SEC61A1: variants seen among roughly 807,000 people sequenced by gnomAD.
The protein encoded by SEC61A1 is protein transport protein Sec61 subunit alpha isoform 1.
Under a neutral mutation model 55.2 loss-of-function variants are expected in SEC61A1, and 15 were observed. The ratio of observed to expected loss-of-function variants is 0.27; its 90% CI spans 0.18 to 0.42. The LOEUF (loss-of-function observed/expected upper bound fraction) is 0.42, where lower values mean the gene tolerates loss of function less well. Among genes scored for constraint, SEC61A1 ranks in the 10% least tolerant of loss-of-function variants. The pLI is 1.00. For synonymous variants in SEC61A1, 247 were observed against 234.0 expected, an observed-to-expected ratio of 1.06 and a Z score of -0.51; for missense variants, 284 against 602.6, an observed-to-expected ratio of 0.47 and a Z score of 5.53.
chr3:128,065,862 C>T (rs891112302), intron 8 of SEC61A1, among the ~76,000 whole-genome samples: 32 of 151,132 alleles, frequency 2.1e-4, no homozygotes, highest in African/African-American at 7.1e-4. Context: ...CTGCCTCAGC[C>T]TCCCGAGTAG....
intron 8 of SEC61A1, among the ~76,000 whole-genome samples, chr3:128,066,034 A>G (rs1941968396): frequency 6.6e-6 from 1 of 151,940 alleles, no homozygotes; most frequent in African/African-American, 2.4e-5. Flanking sequence ...GAGCCACCGC[A>G]CCCGGCCTTA....
chr3:128,067,157 T>G lies in SEC61A1; in HGVS notation c.975+6T>G. 1 of 1,613,840 alleles carries G rather than the reference T, an allele frequency of 6.2e-7. No individual in the cohort carries two copies. The highest frequency in any genetic ancestry group is 8.5e-7 in the Non-Finnish European group (1 of 1,179,718). On this transcript the variant is annotated splice_donor_region_variant and intron_variant, in intron 9 of 11. Coordinates refer to ENST00000243253, the MANE Select transcript of SEC61A1 (RefSeq NM_013336.4). This position sits in a 1 kb window ranked among gnomAD's most constrained non-coding sequence, Gnocchi z 4.1. ...GCCTGCTGGGCACCTGGTCGGTAAGTAGGCTCTTTGAAGATGAGCTAGCAA... is the reference window on the plus strand; with the variant it reads ...GCCTGCTGGGCACCTGGTCGGTAAGGAGGCTCTTTGAAGATGAGCTAGCAA...
intron 5 of SEC61A1, among the ~76,000 whole-genome samples, chr3:128,058,201 A>ATTTTTTTTTTT (rs57508280): frequency 2.5e-5 from 2 of 79,358 alleles, no homozygotes; most frequent in African/African-American, 5.0e-5. Context: ...AAATACGTCT[A>ATTTTTTTTTTT]TTTTTTTTTT....
At chr3:128,065,081 T>A in intron 8 of SEC61A1, 44 bp downstream of exon 8, 1 of 1,601,494 alleles carries the variant, frequency 6.2e-7, no homozygotes. Flanking sequence ...GGTCTGGATT[T>A]AAGTTTCAGA....
intron 2 of SEC61A1, among the ~76,000 whole-genome samples, chr3:128,054,045 G>A (rs1941732561): frequency 6.6e-6 from 1 of 152,224 alleles, no homozygotes; most frequent in Admixed American, 6.5e-5. Context: ...AGTTGCTATT[G>A]ATAGAACATA....
chr3:128,060,423 A>C, intron 6 of SEC61A1, 85 bp from the exon 7 acceptor site: 1 of 1,423,326 alleles, frequency 7.0e-7, no homozygotes, highest in East Asian at 2.3e-5. Context: ...TTCAGCGTTT[A>C]TATCAGAGAA....
At chr3:128,054,833 T>G (rs1030655) in intron 2 of SEC61A1, among the ~76,000 whole-genome samples, 2 of 151,948 alleles carry the variant, frequency 1.3e-5, no homozygotes, top group Non-Finnish European at 2.9e-5. Flanking sequence ...GTGACAGAGG[T>G]TTTGGGTGGG....
chr3:128,068,982 AT>A (rs1439374135), intron 11 of SEC61A1: 1 of 152,426 alleles, frequency 6.6e-6, no homozygotes, highest in Admixed American at 6.5e-5. Context: ...CCTAGCAGGG[AT>A]GGTAGGCAAT....
chr3:128,067,166 T>C lies in SEC61A1; in HGVS notation c.975+15T>C. The stretch of plus-strand genomic sequence containing the variant: ...GCACCTGGTCGGTAAGTAGGCTCTT[T>C]GAAGATGAGCTAGCAATGCAGCTAA... On this transcript the variant is annotated intron_variant, in intron 9 of 11. Transcript: ENST00000243253. This position sits in a 1 kb window ranked among gnomAD's most constrained non-coding sequence, Gnocchi z 4.1. 3 of 1,612,012 alleles carry C rather than the reference T, an allele frequency of 1.9e-6. No homozygotes were observed. The highest frequency in any genetic ancestry group is 2.5e-6 in the Non-Finnish European group (3 of 1,178,018).
chr3:128,060,739 C>T, intron 7 of SEC61A1, 78 bp downstream of exon 7: 1 of 1,371,760 alleles, frequency 7.3e-7, no homozygotes. Flanking sequence ...AGACAAAAAT[C>T]CCCCCATTCC....
chr3:128,056,330 C>A (rs754671511), intron 4 of SEC61A1, among the ~76,000 whole-genome samples: 2 of 152,274 alleles, frequency 1.3e-5, no homozygotes, highest in South Asian at 2.1e-4. Context: ...CAACTAGATA[C>A]AATTGTACAG....
intron 8 of SEC61A1, 81 bp from the exon 9 acceptor site, chr3:128,066,873 C>A: frequency 7.2e-7 from 1 of 1,390,724 alleles, no homozygotes; most frequent in South Asian, 1.2e-5. Context: ...GCCCACTGGA[C>A]AGTCCCCGGC....
At chr3:128,060,956 A>G (rs547113605) in intron 7 of SEC61A1, among the ~76,000 whole-genome samples, 25 of 152,332 alleles carry the variant, frequency 1.6e-4, no homozygotes, top group African/African-American at 5.8e-4. Flanking sequence ...TGCAACGATA[A>G]AGCAACGTTA....
At chr3:128,055,414 G>A (rs1390667082) in intron 2 of SEC61A1, 102 bp from the exon 3 acceptor site, 19 of 910,964 alleles carry the variant, frequency 2.1e-5, no homozygotes, top group African/African-American at 1.6e-5. Context: ...AAAGAGTCTG[G>A]TTGGAGTCCA....
chr3:128,057,573 TGACTG>T (rs1454165113), intron 5 of SEC61A1, among the ~76,000 whole-genome samples: 2 of 138 alleles, frequency 0.014, no homozygotes, highest in Non-Finnish European at 0.062. Context: ...AGAATTTAAC[TGACTG>T]GGGGGCGGTG....
chr3:128,052,434 A>C, upstream of SEC61A1: 1 of 1,404,528 alleles, frequency 7.1e-7, no homozygotes, highest in Admixed American at 3.1e-5. Flanking sequence ...CCGGGCTAGC[A>C]CTGACGTGTC....
intron 7 of SEC61A1, among the ~76,000 whole-genome samples, chr3:128,061,206 C>G (rs56004223): frequency 6.6e-6 from 1 of 152,310 alleles, no homozygotes; most frequent in Non-Finnish European, 1.5e-5. Context: ...TGGGCAGATT[C>G]CTGCACCACT....
At chr3:128,066,833 G>A (rs1269849962) in intron 8 of SEC61A1, 121 bp from the exon 9 acceptor site, 1 of 901,066 alleles carries the variant, frequency 1.1e-6, no homozygotes, top group Non-Finnish European at 1.7e-6. Context: ...GGGAGCCCCA[G>A]AACCAGCACA....
chr3:128,067,763 CAGAT>C lies in SEC61A1; in HGVS notation c.1167+152_1167+155del. ...GCAGTTCAGAAGCTTTAAGGGCTGA[CAGAT>C]GGAGTCCAGCAGTAGATCAGCTGTG... On this transcript the variant is annotated intron_variant, in intron 10 of 11. Coordinates refer to ENST00000243253, the MANE Select transcript of SEC61A1 (RefSeq NM_013336.4). The surrounding 1 kb of genome is among the most constrained non-coding windows in gnomAD (Gnocchi z 4.1). The C allele has an allele frequency of 1.5e-6, 1 of 684,628 alleles. No individual in the cohort carries two copies. The highest frequency in any genetic ancestry group is 2.5e-6 in the Non-Finnish European group (1 of 404,580). The allele number at this position is 684,628 out of a possible 1,614,324, so 42.4% of individuals were successfully genotyped here. A position where few individuals can be genotyped will look rare whatever the true frequency, so the allele number is the denominator to read the frequency against.
Sources: allele counts gnomAD v4.1 joint callset (sites outside exome capture counted in the v4.1 genomes callset), GRCh38; gene constraint gnomAD v4.1.1; non-coding constraint Gnocchi (gnomAD v3.1); transcripts MANE v1.5; gene names NCBI Gene and HGNC (gene_info 2026-07-23, HGNC 2026-07-21).